Variants in SMG6 observed in about 807,000 individuals in gnomAD.
SMG6 encodes SMG6 nonsense mediated mRNA decay factor.
SMG6 carries 66 observed loss-of-function variants against 142.2 expected under a neutral mutation model. The observed-to-expected ratio is 0.46, with a 90% CI of 0.38 to 0.57. The LOEUF (loss-of-function observed/expected upper bound fraction) is 0.57. Ranked by LOEUF, SMG6 falls within the 20% of genes least tolerant of loss-of-function variation. SMG6 has a pLI of 0.00. For missense variants in SMG6, 1,793 were observed against 1,832.0 expected (o/e 0.98, Z 0.39); for synonymous variants, 779 against 702.4 (o/e 1.11, Z -1.72).
intron 10 of SMG6, among the ~76,000 whole-genome samples, chr17:2,190,540 T>C (rs563334539): frequency 6.6e-6 from 1 of 152,170 alleles, no homozygotes; most frequent in East Asian, 1.9e-4. Flanking sequence ...TCTCTCAGAG[T>C]TCAAGGTGGG....
At chr17:2,170,298 G>A (rs573899457) in intron 13 of SMG6, among the ~76,000 whole-genome samples, 3 of 152,146 alleles carry the variant, frequency 2.0e-5, no homozygotes, top group Non-Finnish European at 2.9e-5. Context: ...AAACACATAC[G>A]TGGTATCTGA....
intron 13 of SMG6, among the ~76,000 whole-genome samples, chr17:2,121,541 TTA>T (rs1263825227): frequency 2.4e-5 from 3 of 123,018 alleles, no homozygotes; most frequent in Admixed American, 8.0e-5. Flanking sequence ...ATATGATTAT[TTA>T]TATATACACA....
rs1414482366 is a variant in SMG6, at chr17:2,085,177, AGT to A, written c.3534+546_3534+547del. Among the ~76,000 whole-genome samples the A allele has an allele frequency of 2.6e-5, 4 of 151,746 alleles. No individual in the cohort carries two copies. The highest frequency in any genetic ancestry group is 5.9e-5 in the Non-Finnish European group (4 of 67,930). ...ACACACACACAGACACACACACACGAGTCTGGAGTGAAGCAAGGGCTACAGGA... is the reference window on the plus strand; with the variant it reads ...ACACACACACAGACACACACACACGACTGGAGTGAAGCAAGGGCTACAGGA... On this transcript the variant is annotated intron_variant, in intron 14 of 18. Transcript: ENST00000263073. The surrounding 1 kb of genome is among the most constrained non-coding windows in gnomAD (Gnocchi z 4.1).
chr17:2,294,097 G>C (rs1014964970), intron 4 of SMG6, among the ~76,000 whole-genome samples: 1 of 152,156 alleles, frequency 6.6e-6, no homozygotes, highest in African/African-American at 2.4e-5. Flanking sequence ...GCTTCATTGA[G>C]AAGAAGATAC....
intron 13 of SMG6, among the ~76,000 whole-genome samples, chr17:2,115,283 T>G (rs980881462): frequency 1.3e-5 from 2 of 152,044 alleles, no homozygotes; most frequent in Admixed American, 1.3e-4. Context: ...AAGAGGCCCA[T>G]CTAAACTCTC....
intron 10 of SMG6, among the ~76,000 whole-genome samples, chr17:2,201,788 C>T (rs1343109040): frequency 6.6e-6 from 1 of 151,924 alleles, no homozygotes; most frequent in Non-Finnish European, 1.5e-5. Context: ...CTTTGGGAGG[C>T]CAAGGTGGGT....
chr17:2,147,914 C>T (rs556556149), intron 13 of SMG6, among the ~76,000 whole-genome samples: 40 of 152,174 alleles, frequency 2.6e-4, no homozygotes, highest in Non-Finnish European at 3.8e-4. Flanking sequence ...CACAGATGAC[C>T]GGGCACGGTG....
intron 10 of SMG6, among the ~76,000 whole-genome samples, chr17:2,201,860 C>T (rs1377536827): frequency 3.3e-5 from 5 of 151,570 alleles, no homozygotes; most frequent in African/African-American, 7.3e-5. Context: ...CCCATCTCTA[C>T]TAAAAATACA....
At chr17:2,076,278 C>T (rs1025265149) in intron 15 of SMG6, among the ~76,000 whole-genome samples, 1 of 152,164 alleles carries the variant, frequency 6.6e-6, no homozygotes, top group African/African-American at 2.4e-5. Flanking sequence ...GGGTAATTTA[C>T]AGCCCATCCC....
chr17:2,257,035 G>A (rs1205006944), intron 8 of SMG6, among the ~76,000 whole-genome samples: 2 of 151,232 alleles, frequency 1.3e-5, no homozygotes, highest in Non-Finnish European at 2.9e-5. Flanking sequence ...GAGTACAGTG[G>A]TGCCATCTTG....
intron 12 of SMG6, among the ~76,000 whole-genome samples, chr17:2,175,830 G>C (rs539753782): frequency 9.8e-5 from 15 of 152,334 alleles, no homozygotes; most frequent in African/African-American, 3.1e-4. Flanking sequence ...TTCTGCTCTG[G>C]TTAATTCAAA....
At position 2,091,694 on chromosome 17, in the gene SMG6, A is replaced by ACG. The variant is rs2068721111; in HGVS notation, c.3358-5794_3358-5793insCG. 2.1e-5 allele frequency among the ~76,000 whole-genome samples: 3 copies of ACG among 143,208 alleles called. No individual in the cohort carries two copies. In the South Asian group the frequency reaches 6.5e-4, roughly 31 times the overall value. The allele number at this position is 143,208 out of a possible 152,430, so 94.0% of individuals were successfully genotyped here. ...TTTGCTTTTTTTTTTTTTTTGAGAGAGAGTCTCGCTCTGTTGCCCAGGCTG... is the reference window on the plus strand; with the variant it reads ...TTTGCTTTTTTTTTTTTTTTGAGAGACGGAGTCTCGCTCTGTTGCCCAGGCTG... On this transcript the variant is annotated intron_variant, in intron 13 of 18. Transcript: ENST00000263073.
chr17:2,208,531 G>A (rs971709402), intron 10 of SMG6, among the ~76,000 whole-genome samples: 1 of 152,174 alleles, frequency 6.6e-6, no homozygotes, highest in African/African-American at 2.4e-5. Flanking sequence ...TGTTGAAGCT[G>A]ATCTGAACGG....
rs1022194859 is a variant in SMG6 at position 2,281,396 on chromosome 17, T to TG, written c.2661+1250dup. On this transcript the variant is annotated intron_variant, in intron 8 of 18. Transcript: ENST00000263073. ...CTCCTGCCTTGGCCTCCCAAAGTGC[T>TG]GGGATTACAGATGGGAGCCACCACA... is the stretch of plus-strand genomic sequence containing the variant. Among the ~76,000 whole-genome samples, 13 of 152,200 alleles carry TG rather than the reference T, an allele frequency of 8.5e-5. 1 individual carries two copies. Among genetic ancestry groups the TG allele is most frequent in the Admixed American group, 5.2e-4 (8 of 15,282 alleles).
rs982897970 is a variant in SMG6 at position 2,226,180 on chromosome 17, CAGA to C, written c.2869+10309_2869+10311del. 2.7e-5 allele frequency among the ~76,000 whole-genome samples: 4 copies of C among 150,516 alleles called. No homozygotes were observed. The South Asian group carries it at 6.3e-4, about 24-fold the overall frequency. ...ATCCCAGCTACTAGGGAGGCTGAGGCAGAAGAATTGCTTGAACTAGAGAGACAG... is the reference window on the plus strand; with the variant it reads ...ATCCCAGCTACTAGGGAGGCTGAGGCAGAATTGCTTGAACTAGAGAGACAG... On this transcript the variant is annotated intron_variant, in intron 10 of 18. Transcript: ENST00000263073.
intron 13 of SMG6, among the ~76,000 whole-genome samples, chr17:2,157,940 A>G (rs758534098): frequency 6.6e-6 from 1 of 152,216 alleles, no homozygotes; most frequent in Admixed American, 6.5e-5. Flanking sequence ...CACCAGTAGA[A>G]CCTGGCCCAG....
chr17:2,228,569 A>G (rs555503951), intron 10 of SMG6, among the ~76,000 whole-genome samples: 1 of 148,680 alleles, frequency 6.7e-6, no homozygotes, highest in Non-Finnish European at 1.5e-5. Context: ...CCCCACGTTG[A>G]CCAGGCTGGT....
chr17:2,135,678 T>A (rs939421427), intron 13 of SMG6, among the ~76,000 whole-genome samples: 1 of 152,176 alleles, frequency 6.6e-6, no homozygotes, highest in East Asian at 1.9e-4. Flanking sequence ...TTACTTAATT[T>A]TAATTAACTA....
At chr17:2,276,326 A>G (rs919313082) in intron 8 of SMG6, among the ~76,000 whole-genome samples, 1 of 152,148 alleles carries the variant, frequency 6.6e-6, no homozygotes, top group Non-Finnish European at 1.5e-5. Flanking sequence ...CAGCTACCCC[A>G]GTTCACCACA....
Sources: gnomAD v4.1 joint callset for allele counts (sites outside exome capture counted in the v4.1 genomes callset) on GRCh38, gnomAD v4.1.1 for gene constraint, Gnocchi (gnomAD v3.1) non-coding constraint, MANE v1.5 for transcripts, NCBI Gene and HGNC (gene_info 2026-07-23, HGNC 2026-07-21) for gene names.